FBXL7: variants seen among roughly 807,000 people sequenced by gnomAD.
FBXL7 encodes F-box and leucine rich repeat protein 7.
Under a neutral mutation model 38.3 loss-of-function variants are expected in FBXL7, and 12 were observed. The observed-to-expected ratio is 0.31, with a 90% confidence interval of 0.20 to 0.51. The LOEUF (loss-of-function observed/expected upper bound fraction) is 0.51. Ranked by LOEUF, FBXL7 falls within the 20% of genes least tolerant of loss-of-function variation. The pLI is 0.98. For missense variants in FBXL7, 567 were observed against 676.4 expected, an observed-to-expected ratio of 0.84 and a Z score of 1.79; for synonymous variants, 297 against 300.9, an observed-to-expected ratio of 0.99 and a Z score of 0.13.
At chr5:15,744,961 C>G (rs1404393332) in intron 2 of FBXL7, among the ~76,000 whole-genome samples, 1 of 151,952 alleles carries the variant, frequency 6.6e-6, no homozygotes, top group Non-Finnish European at 1.5e-5. Flanking sequence ...GGTAACTGCC[C>G]CCATGATTCA....
At chr5:15,807,097 G>A (rs1435188291) in intron 2 of FBXL7, among the ~76,000 whole-genome samples, 2 of 152,010 alleles carry the variant, frequency 1.3e-5, no homozygotes, top group Admixed American at 1.3e-4. Flanking sequence ...GATTACAGAA[G>A]CACACCACCA....
intron 2 of FBXL7, among the ~76,000 whole-genome samples, chr5:15,788,990 A>G (rs1484509179): frequency 6.6e-6 from 1 of 151,546 alleles, no homozygotes; most frequent in African/African-American, 2.4e-5. Context: ...ATCTGGGACT[A>G]CAGGTGCCCG....
At chr5:15,640,969 T>G (rs1741349034) in intron 2 of FBXL7, among the ~76,000 whole-genome samples, 1 of 152,188 alleles carries the variant, frequency 6.6e-6, no homozygotes, top group African/African-American at 2.4e-5. Flanking sequence ...AAGGACATGC[T>G]GCAGCATCTC....
Position 15,936,814 on chromosome 5 carries a change from C to A in FBXL7, c.1104C>A (p.Ile368=), listed in dbSNP as rs1742205687. The A allele has an allele frequency of 6.2e-7, 1 of 1,612,950 alleles. No individual in the cohort carries two copies. The highest frequency in any genetic ancestry group is 1.3e-5 in the African/African-American group (1 of 74,940). Residue 368 remains isoleucine, a synonymous_variant, in exon 4 of 4, where the codon ATC becomes ATA. Coordinates refer to ENST00000504595, the MANE Select transcript of FBXL7 (RefSeq NM_012304.5). This position sits in a 1 kb window ranked among gnomAD's most constrained non-coding sequence, Gnocchi z 6.0. ...GCGGCCGGGTCACCGACGTGGGCAT[C>A]CGCTACGTGGCCAAGTACTGCAGCA... The part of the protein sequence containing the change: ...AHCGRVTDVG[I]RYVAKYCSKL...
chr5:15,688,658 C>G (rs1743091042), intron 2 of FBXL7, among the ~76,000 whole-genome samples: 1 of 152,184 alleles, frequency 6.6e-6, no homozygotes, highest in Non-Finnish European at 1.5e-5. Context: ...TCAGCCAGCA[C>G]TTGCCTATAA....
intron 1 of FBXL7, among the ~76,000 whole-genome samples, chr5:15,563,983 T>G (rs1440830894): frequency 6.6e-6 from 1 of 152,090 alleles, no homozygotes; most frequent in Non-Finnish European, 1.5e-5. Context: ...GCCTCAGCAT[T>G]TAAAATAAAT....
Position 15,556,732 on chromosome 5 carries a change from T to G in FBXL7, c.37+56019T>G, listed in dbSNP as rs1416573124. 5.9e-5 allele frequency among the ~76,000 whole-genome samples: 9 copies of G among 152,330 alleles called. No individual in the cohort carries two copies. The South Asian group carries it at 1.4e-3, about 25-fold the overall frequency. ...CTATTTGCATGACTGTGCCAATCTC[T>G]CAATAAATCATCAGCTGAGAATATT... On this transcript the variant is annotated intron_variant, in intron 1 of 3. Coordinates refer to ENST00000504595, the MANE Select transcript of FBXL7 (RefSeq NM_012304.5).
At chr5:15,758,274 A>G (rs1156693108) in intron 2 of FBXL7, among the ~76,000 whole-genome samples, 1 of 152,102 alleles carries the variant, frequency 6.6e-6, no homozygotes, top group East Asian at 1.9e-4. Context: ...TAATCTTTAT[A>G]TAGTCTTAAG....
intron 2 of FBXL7, among the ~76,000 whole-genome samples, chr5:15,627,206 A>G (rs368342983): frequency 6.6e-6 from 1 of 152,154 alleles, no homozygotes; most frequent in Non-Finnish European, 1.5e-5. Context: ...AACTGTAGCA[A>G]TTACTGGGGC....
intron 1 of FBXL7, among the ~76,000 whole-genome samples, chr5:15,531,794 C>G (rs1737439565): frequency 6.6e-6 from 1 of 152,208 alleles, no homozygotes; most frequent in African/African-American, 2.4e-5. Context: ...TCCTTGTACA[C>G]TGCCATTTTT....
intron 2 of FBXL7, among the ~76,000 whole-genome samples, chr5:15,794,763 C>T (rs941912054): frequency 2.6e-5 from 4 of 152,080 alleles, no homozygotes; most frequent in African/African-American, 7.2e-5. Context: ...TGTATGCTGA[C>T]GTTAGTCTCC....
chr5:15,834,413 A>G (rs976587603), intron 2 of FBXL7, among the ~76,000 whole-genome samples: 1 of 152,128 alleles, frequency 6.6e-6, no homozygotes, highest in African/African-American at 2.4e-5. Flanking sequence ...CAGCATATTC[A>G]TCTGGTTGGC....
Position 15,937,348 on chromosome 5 carries a change from C to A in FBXL7, c.*162C>A. 2.2e-6 allele frequency: 2 copies of A among 899,762 alleles called. No individual in the cohort carries two copies. The highest frequency in any genetic ancestry group is 2.7e-5 in the East Asian group (1 of 37,086). The allele number at this position is 899,762 out of a possible 1,614,324, so 55.7% of individuals were successfully genotyped here. On this transcript the variant is annotated 3_prime_UTR_variant, in exon 4 of 4. Transcript: ENST00000504595. ...ATTTTTCCTCATTTCTCATGGGCAA[C>A]AGAGGCCAAAGAAACGAAGCAAGAC...
At position 15,604,499 on chromosome 5, in the gene FBXL7, C is replaced by T. The variant is rs144962804; in HGVS notation, c.38-11484C>T. Among the ~76,000 whole-genome samples the T allele has an allele frequency of 2.7e-3, 408 of 152,188 alleles. 3 individuals carry two copies. Among genetic ancestry groups the T allele is most frequent in the African/African-American group, 9.3e-3 (388 of 41,536 alleles). On this transcript the variant is annotated intron_variant, in intron 1 of 3. Coordinates refer to ENST00000504595, the MANE Select transcript of FBXL7 (RefSeq NM_012304.5). ...CCTCTGGAGTAGCTAAGACTACAGG[C>T]GTGTGCCACCACACCTGCCTAATAT...
At chr5:15,543,330 C>T (rs1737808863) in intron 1 of FBXL7, among the ~76,000 whole-genome samples, 1 of 152,156 alleles carries the variant, frequency 6.6e-6, no homozygotes, top group Admixed American at 6.5e-5. Flanking sequence ...ATCTGTGAGA[C>T]TTACTCACTA....
chr5:15,600,749 C>T (rs1739766379), intron 1 of FBXL7, among the ~76,000 whole-genome samples: 1 of 152,074 alleles, frequency 6.6e-6, no homozygotes, highest in Non-Finnish European at 1.5e-5. Context: ...GAATCAATGC[C>T]TTTTAAAATT....
intron 2 of FBXL7, among the ~76,000 whole-genome samples, chr5:15,733,504 C>A (rs1331558819): frequency 1.3e-5 from 2 of 152,142 alleles, no homozygotes; most frequent in Admixed American, 1.3e-4. Flanking sequence ...GACAAATATT[C>A]ATTTAGTATG....
chr5:15,925,189 A>G lies in FBXL7; in HGVS notation c.128-2701A>G, dbSNP rs142264199. Among the ~76,000 whole-genome samples, 26 of 152,360 alleles carry G rather than the reference A, an allele frequency of 1.7e-4. No homozygotes were observed. The East Asian group carries it at 4.6e-3, about 27-fold the overall frequency. ...TCTTGAATTGAATGGTAATGCTAAT[A>G]TGTTAAAAATAATACAATCAACCAC... On this transcript the variant is annotated intron_variant, in intron 2 of 3. Transcript: ENST00000504595.
intron 2 of FBXL7, among the ~76,000 whole-genome samples, chr5:15,814,729 A>G (rs545882903): frequency 6.6e-6 from 1 of 152,168 alleles, no homozygotes; most frequent in African/African-American, 2.4e-5. Flanking sequence ...AATTCCTTTA[A>G]TATGCTACTA....
Sources: gnomAD v4.1 joint callset for allele counts (sites outside exome capture counted in the v4.1 genomes callset) on GRCh38, gnomAD v4.1.1 for gene constraint, Gnocchi (gnomAD v3.1) non-coding constraint, MANE v1.5 for transcripts, NCBI Gene and HGNC (gene_info 2026-07-23, HGNC 2026-07-21) for gene names.